Variants in SPAG16 observed in about 807,000 individuals in gnomAD.
The protein encoded by SPAG16 is sperm-associated antigen 16 protein.
SPAG16 carries 86 observed loss-of-function variants against 80.4 expected under a neutral mutation model. The ratio of observed to expected loss-of-function variants is 1.07; its 90% CI spans 0.90 to 1.28. SPAG16 has a LOEUF of 1.28. Ranked by LOEUF, SPAG16 falls within the 50% of genes most tolerant of loss-of-function variation. SPAG16 has a pLI of 0.00. For synonymous variants in SPAG16, 294 were observed against 265.9 expected (o/e 1.11, Z -1.03); for missense variants, 870 against 765.3 (o/e 1.14, Z -1.61).
intron 10 of SPAG16, among the ~76,000 whole-genome samples, chr2:213,519,614 A>G (rs939270194): frequency 2.0e-5 from 3 of 152,188 alleles, no homozygotes; most frequent in African/African-American, 7.2e-5. Flanking sequence ...GTAAATTGCC[A>G]GTCTCAGGTA....
At chr2:213,631,670 A>T (rs1184041237) in intron 10 of SPAG16, among the ~76,000 whole-genome samples, 4 of 152,178 alleles carry the variant, frequency 2.6e-5, no homozygotes, top group African/African-American at 4.8e-5. Flanking sequence ...ATATGGTGAA[A>T]GATAGGGGAC....
intron 15 of SPAG16, among the ~76,000 whole-genome samples, chr2:214,180,121 A>G (rs2057264548): frequency 6.6e-6 from 1 of 151,632 alleles, no homozygotes; most frequent in Non-Finnish European, 1.5e-5. Flanking sequence ...GACAATGTAT[A>G]TTTTAAAACC....
chr2:213,669,716 T>TCA (rs1259712131), intron 10 of SPAG16, among the ~76,000 whole-genome samples: 14 of 152,324 alleles, frequency 9.2e-5, no homozygotes, highest in Middle Eastern at 6.8e-3. Context: ...TCTGTTGGAA[T>TCA]GAAAGAAAAC....
At chr2:213,320,288 A>G (rs974624622) in intron 5 of SPAG16, among the ~76,000 whole-genome samples, 3 of 152,138 alleles carry the variant, frequency 2.0e-5, no homozygotes, top group Non-Finnish European at 4.4e-5. Context: ...TGTATCAAAT[A>G]CATTTGTACA....
intron 15 of SPAG16, among the ~76,000 whole-genome samples, chr2:214,157,999 A>G (rs540911897): frequency 8.7e-5 from 11 of 126,598 alleles, no homozygotes; most frequent in Admixed American, 8.6e-4. Flanking sequence ...TCATGTCTCC[A>G]TCAGAAAAGG....
At chr2:213,645,253 G>A (rs377009920) in intron 10 of SPAG16, among the ~76,000 whole-genome samples, 54 of 152,250 alleles carry the variant, frequency 3.5e-4, no homozygotes, top group African/African-American at 1.2e-3. Context: ...TAGGGCAGTG[G>A]GCTCCCTTCT....
intron 15 of SPAG16, among the ~76,000 whole-genome samples, chr2:214,203,115 T>C (rs1278140283): frequency 1.3e-5 from 2 of 152,190 alleles, no homozygotes; most frequent in Non-Finnish European, 2.9e-5. Flanking sequence ...AAAAATACAG[T>C]CTTCATTTTT....
intron 11 of SPAG16, among the ~76,000 whole-genome samples, chr2:213,889,170 G>A (rs1013752985): frequency 3.3e-5 from 5 of 151,700 alleles, no homozygotes; most frequent in Non-Finnish European, 7.4e-5. Context: ...AAGATAGAAA[G>A]CCATCTGCAT....
intron 6 of SPAG16, among the ~76,000 whole-genome samples, chr2:213,345,013 C>G (rs2124998777): frequency 6.6e-6 from 1 of 151,166 alleles, no homozygotes; most frequent in South Asian, 2.1e-4. Context: ...TAAAAGTGTT[C>G]CTATTTCTCC....
At chr2:214,133,541 C>A (rs2054893415) in intron 14 of SPAG16, among the ~76,000 whole-genome samples, 1 of 152,110 alleles carries the variant, frequency 6.6e-6, no homozygotes, top group East Asian at 1.9e-4. Context: ...CCTGTAATCC[C>A]AGCTACTCCG....
At chr2:214,330,395 A>C (rs1696831247) in intron 15 of SPAG16, among the ~76,000 whole-genome samples, 1 of 152,178 alleles carries the variant, frequency 6.6e-6, no homozygotes. Flanking sequence ...AGGAAATGGA[A>C]ATGTTGCAGG....
intron 13 of SPAG16, among the ~76,000 whole-genome samples, chr2:214,082,996 C>A (rs6728974): frequency 6.6e-6 from 1 of 152,098 alleles, no homozygotes; most frequent in Non-Finnish European, 1.5e-5. Context: ...TTTCTCACTT[C>A]CAGTAAATAA....
intron 9 of SPAG16, among the ~76,000 whole-genome samples, chr2:213,460,244 A>G (rs2125609327): frequency 6.6e-6 from 1 of 152,264 alleles, no homozygotes; most frequent in South Asian, 2.1e-4. Flanking sequence ...CCGAGTCCAA[A>G]TTATTTTTTA....
At chr2:214,389,297 A>C (rs1574484258) in intron 15 of SPAG16, among the ~76,000 whole-genome samples, 1 of 152,240 alleles carries the variant, frequency 6.6e-6, no homozygotes, top group East Asian at 1.9e-4. Context: ...TTTTCAAAAT[A>C]ACTAGTTCTA....
At chr2:213,985,832 G>T (rs920188430) in intron 12 of SPAG16, among the ~76,000 whole-genome samples, 6 of 151,982 alleles carry the variant, frequency 3.9e-5, no homozygotes, top group African/African-American at 1.2e-4. Context: ...ATTGAAGACC[G>T]GCCATATCTT....
intron 13 of SPAG16, among the ~76,000 whole-genome samples, chr2:214,026,385 A>T (rs2048132813): frequency 6.6e-6 from 1 of 151,564 alleles, no homozygotes; most frequent in South Asian, 2.1e-4. Flanking sequence ...CAAAAACAAA[A>T]GTTAAAAGTG....
chr2:213,326,620 A>T (rs763100372), intron 5 of SPAG16, among the ~76,000 whole-genome samples: 1 of 152,050 alleles, frequency 6.6e-6, no homozygotes, highest in Non-Finnish European at 1.5e-5. Flanking sequence ...ATTTATAACC[A>T]ATTGAAGATA....
intron 10 of SPAG16, among the ~76,000 whole-genome samples, chr2:213,628,108 G>C (rs1255507239): frequency 2.0e-5 from 3 of 152,174 alleles, no homozygotes; most frequent in Non-Finnish European, 4.4e-5. Context: ...TTTAACACTA[G>C]CTTGAAATTT....
chr2:213,627,744 A>T (rs1048855542), intron 10 of SPAG16, among the ~76,000 whole-genome samples: 1 of 152,226 alleles, frequency 6.6e-6, no homozygotes, highest in Non-Finnish European at 1.5e-5. Context: ...TTGAGAACTC[A>T]AACATACAAA....
Sources: gnomAD v4.1 joint callset for allele counts (sites outside exome capture counted in the v4.1 genomes callset) on GRCh38, gnomAD v4.1.1 for gene constraint, MANE v1.5 for transcripts, NCBI Gene and HGNC (gene_info 2026-07-23, HGNC 2026-07-21) for gene names.